The following NR3C2 variants were observed in gnomAD, a reference collection of about 807,000 sequenced individuals.
NR3C2 encodes the protein nuclear receptor subfamily 3 group C member 2, also known as mineralocorticoid receptor.
Under a neutral mutation model 86.4 loss-of-function variants are expected in NR3C2, and 15 were observed. That is an observed-to-expected ratio of 0.17 (90% CI 0.12 to 0.27). The LOEUF is 0.27. NR3C2 is among the 10% of genes least tolerant of loss of function. The pLI, the probability that NR3C2 is intolerant of heterozygous loss-of-function variation, is 1.00. For missense variants in NR3C2, 960 were observed against 1,195.6 expected, an observed-to-expected ratio of 0.80 and a Z score of 2.91; for synonymous variants, 458 against 450.5, an observed-to-expected ratio of 1.02 and a Z score of -0.21.
At chr4:148,228,020 T>A (rs1738263904) in intron 3 of NR3C2, among the ~76,000 whole-genome samples, 1 of 152,184 alleles carries the variant, frequency 6.6e-6, no homozygotes, top group African/African-American at 2.4e-5. Context: ...TGTCACTGTA[T>A]CTGGGCCTTC....
chr4:148,120,424 T>C, intron 6 of NR3C2, 136 bp from the exon 7 acceptor site: 1 of 1,022,646 alleles, frequency 9.8e-7, no homozygotes, highest in South Asian at 1.4e-5. Flanking sequence ...ATGTGTATTT[T>C]AAAGACAAGT....
In NR3C2 at chr4:148,152,496, T is replaced by C. The variant is rs756059941; in HGVS notation, c.2483A>G (p.Tyr828Cys). ...SYKHTNSQFLYFAPDLVFNEE... is the reference protein window; with the variant it reads ...SYKHTNSQFLCFAPDLVFNEE... ...ATTAAAGACTAGGTCTGGTGCAAAA[T>C]AGAGAAATTGGCTGTTCGTATGTTT... The change falls in exon 6 of 9, where the codon TAT becomes TGT. Residue 828 changes from tyrosine (Y) to cysteine (C), a missense_variant. Physicochemically the swap from Tyr to Cys is radical, Grantham distance 194. Transcript: ENST00000358102. 2 of 1,614,072 alleles carry C rather than the reference T, an allele frequency of 1.2e-6. No individual in the cohort carries two copies. The highest frequency in any genetic ancestry group is 1.3e-5 in the African/African-American group (1 of 75,068).
chr4:148,352,420 CTA>C, intron 2 of NR3C2, among the ~76,000 whole-genome samples: 1 of 147,918 alleles, frequency 6.8e-6, no homozygotes, highest in South Asian at 2.1e-4. Flanking sequence ...ATCTATCTAT[CTA>C]TCTATCTCCT....
intron 2 of NR3C2, among the ~76,000 whole-genome samples, chr4:148,391,702 A>G (rs533005527): frequency 6.6e-6 from 1 of 152,206 alleles, no homozygotes; most frequent in East Asian, 1.9e-4. Context: ...CCCTCTCTCT[A>G]CTAAAAATAC....
intron 4 of NR3C2, among the ~76,000 whole-genome samples, chr4:148,173,479 C>T (rs887377468): frequency 6.6e-6 from 1 of 152,042 alleles, no homozygotes; most frequent in Non-Finnish European, 1.5e-5. Context: ...TAGAAGGGGC[C>T]ACGAGCCAAA....
chr4:148,246,446 T>C (rs1396503154), intron 3 of NR3C2, among the ~76,000 whole-genome samples: 2 of 152,260 alleles, frequency 1.3e-5, no homozygotes, highest in Non-Finnish European at 2.9e-5. Context: ...GAAGGTATCA[T>C]ATCCACAAGT....
chr4:148,190,132 ATTGT>A (rs892757128), intron 4 of NR3C2, among the ~76,000 whole-genome samples: 2 of 151,672 alleles, frequency 1.3e-5, no homozygotes, highest in African/African-American at 2.4e-5. Flanking sequence ...GTGACCTTAG[ATTGT>A]TTGTGTTCTT....
intron 8 of NR3C2, among the ~76,000 whole-genome samples, chr4:148,090,871 C>T (rs1456943146): frequency 6.6e-6 from 1 of 152,226 alleles, no homozygotes; most frequent in Non-Finnish European, 1.5e-5. Context: ...CGGTCAGCTG[C>T]AGAGGGATGG....
rs529946671 is a variant in NR3C2, at chr4:148,435,898, C to T, written c.963G>A (p.Thr321=). 29 of 1,614,004 alleles carry T rather than the reference C, an allele frequency of 1.8e-5. No homozygotes were observed. Among genetic ancestry groups the T allele is most frequent in the Non-Finnish European group, 2.5e-5 (29 of 1,180,030 alleles). ...CAGTACTGGCTGCCGGACTGGAAAG[C>T]GTGGATCTGTTATTAGTGTTCGAAG... is the stretch of plus-strand genomic sequence containing the variant. ...SSPSNTNNRS[T]LSSPAASTVG... Residue 321 remains threonine, a synonymous_variant, in exon 2 of 9, where the codon ACG becomes ACA. Transcript: ENST00000358102.
In NR3C2 at chr4:148,435,098, A is replaced by G. The variant is rs184268528; in HGVS notation, c.1757+6T>C. On this transcript the variant is annotated splice_donor_region_variant and intron_variant, in intron 2 of 8. Transcript: ENST00000358102. ...ACTTCCAAAAAAATGGAGAAAACCAACTTACCTTGATACATTTTCTGGAAT... is the reference window on the plus strand; with the variant it reads ...ACTTCCAAAAAAATGGAGAAAACCAGCTTACCTTGATACATTTTCTGGAAT... The G allele has an allele frequency of 8.6e-5, 139 of 1,614,032 alleles. No individual in the cohort carries two copies. Among genetic ancestry groups the G allele is most frequent in the Admixed American group, 4.3e-4 (26 of 60,006 alleles).
chr4:148,228,346 G>C (rs1454311843), intron 3 of NR3C2, among the ~76,000 whole-genome samples: 1 of 152,028 alleles, frequency 6.6e-6, no homozygotes, highest in Non-Finnish European at 1.5e-5. Flanking sequence ...TATCAACTCA[G>C]AGAAACCTTT....
At chr4:148,102,744 G>A (rs1371707691) in intron 8 of NR3C2, among the ~76,000 whole-genome samples, 6 of 152,140 alleles carry the variant, frequency 3.9e-5, no homozygotes, top group Non-Finnish European at 8.8e-5. Flanking sequence ...ACAACCTTCT[G>A]CACAGCTTTC....
intron 8 of NR3C2, among the ~76,000 whole-genome samples, chr4:148,097,584 T>C (rs1731337560): frequency 6.6e-6 from 1 of 152,178 alleles, no homozygotes; most frequent in Admixed American, 6.5e-5. Context: ...ACAGGATCTC[T>C]TGACACTAGA....
chr4:148,241,167 A>G (rs989203127), intron 3 of NR3C2, among the ~76,000 whole-genome samples: 5 of 151,678 alleles, frequency 3.3e-5, no homozygotes, highest in Admixed American at 6.6e-5. Context: ...TTAGCTAGGC[A>G]TGGTGGCGCA....
intron 2 of NR3C2, among the ~76,000 whole-genome samples, chr4:148,381,541 C>T (rs1163927679): frequency 3.9e-5 from 6 of 152,124 alleles, no homozygotes; most frequent in African/African-American, 1.4e-4. Flanking sequence ...TCCCATATGA[C>T]AAAATATATT....
rs574736644 is a variant in NR3C2, at chr4:148,348,426, C to T, written c.1757+86678G>A. On this transcript the variant is annotated intron_variant, in intron 2 of 8. Transcript: ENST00000358102. ...TCCAGCACTTAGAAACTATCTAGAG[C>T]ATAGGACGTGCTCAGAAAATATTAG... 1.2e-4 allele frequency among the ~76,000 whole-genome samples: 19 copies of T among 152,260 alleles called. No individual in the cohort carries two copies. In the East Asian group the frequency reaches 3.5e-3, roughly 28 times the overall value.
At chr4:148,208,184 C>G (rs771344127) in intron 3 of NR3C2, 1 of 152,226 alleles carries the variant, frequency 6.6e-6, no homozygotes, top group Non-Finnish European at 1.5e-5. Flanking sequence ...AGCACTGTTC[C>G]GGGAGCAGAT....
chr4:148,373,638 C>A (rs1374210032), intron 2 of NR3C2, among the ~76,000 whole-genome samples: 8 of 151,898 alleles, frequency 5.3e-5, no homozygotes, highest in African/African-American at 1.9e-4. Context: ...CCATGCCTGG[C>A]TAATTTTTTG....
At position 148,081,380 on chromosome 4, in the gene NR3C2, C is replaced by T. The variant is rs767505106; in HGVS notation, c.2919G>A (p.Ser973=). 14 of 1,614,018 alleles carry T rather than the reference C, an allele frequency of 8.7e-6. No individual in the cohort carries two copies. Among genetic ancestry groups the T allele is most frequent in the African/African-American group, 2.7e-5 (2 of 74,906 alleles). ...GGAAGTAGAGCGGCTTGGCGTTCCC[C>T]GACTCCACCTTGGGCAGCTGGTCGC... ...IISDQLPKVE[S]GNAKPLYFHR... Residue 973 remains serine, a synonymous_variant, in exon 9 of 9, where the codon TCG becomes TCA. Coordinates refer to ENST00000358102, the MANE Select transcript of NR3C2 (RefSeq NM_000901.5).
Sources: gnomAD v4.1 joint callset for allele counts (sites outside exome capture counted in the v4.1 genomes callset) on GRCh38, gnomAD v4.1.1 for gene constraint, MANE v1.5 for transcripts, NCBI Gene and HGNC (gene_info 2026-07-23, HGNC 2026-07-21) for gene names.